Variants in HPSE2 observed in about 807,000 individuals in gnomAD.
HPSE2 encodes the protein heparanase 2 (inactive), also known as inactive heparanase-2.
A neutral mutation model predicts 60.5 loss-of-function variants in HPSE2; 38 were observed. The ratio of observed to expected loss-of-function variants is 0.63; its 90% CI spans 0.48 to 0.82. HPSE2 has a LOEUF of 0.82. HPSE2 is among the 40% of genes least tolerant of loss of function. The pLI, the probability that HPSE2 is intolerant of heterozygous loss-of-function variation, is 0.00. For missense variants in HPSE2, 713 were observed against 740.4 expected, an observed-to-expected ratio of 0.96 and a Z score of 0.43; for synonymous variants, 295 against 293.2, an observed-to-expected ratio of 1.01 and a Z score of -0.06.
chr10:99,263,880 C>T, the HPSE2 span, among the ~76,000 whole-genome samples: 1 of 152,164 alleles, frequency 6.6e-6, no homozygotes, highest in Non-Finnish European at 1.5e-5. Flanking sequence ...CAGTCCACCA[C>T]TCTTGACTCC....
Position 98,934,373 on chromosome 10 carries a change from T to A in HPSE2, c.611-190317A>T, listed in dbSNP as rs368923938. On this transcript the variant is annotated intron_variant, in intron 3 of 11. Coordinates refer to ENST00000370552, the MANE Select transcript of HPSE2 (RefSeq NM_021828.5). ...TTAATGTAGTTCCTTCATAGTGTCA[T>A]TGGTCTGTGTACTTCAGTGTGTTTT... 1.4e-4 allele frequency among the ~76,000 whole-genome samples: 20 copies of A among 144,566 alleles called. 4 individuals are homozygous for A. Among genetic ancestry groups the A allele is most frequent in the African/African-American group, 5.3e-4 (19 of 35,834 alleles). 94.8% of individuals were successfully genotyped at this position (144,566 alleles called of 152,430 possible).
intron 3 of HPSE2, among the ~76,000 whole-genome samples, chr10:98,984,792 T>C (rs901023146): frequency 2.6e-5 from 4 of 152,152 alleles, no homozygotes; most frequent in African/African-American, 9.7e-5. Flanking sequence ...AGAGAAGTCC[T>C]TAAAGGACCT....
Position 98,579,384 on chromosome 10 carries a change from C to T in HPSE2, c.1320+35520G>A, listed in dbSNP as rs569557795. Among the ~76,000 whole-genome samples the T allele has an allele frequency of 3.9e-5, 6 of 152,304 alleles. No homozygotes were observed. In the South Asian group the frequency reaches 8.3e-4, roughly 21 times the overall value. On this transcript the variant is annotated intron_variant, in intron 9 of 11. Transcript: ENST00000370552. ...CTATGGCCAGACCTCCACCACCTCA[C>T]TGAAGATTTAAAGAGTCTTAGAACA...
chr10:98,691,253 C>T (rs957481578), intron 6 of HPSE2, among the ~76,000 whole-genome samples: 2 of 152,148 alleles, frequency 1.3e-5, no homozygotes, highest in African/African-American at 4.8e-5. Context: ...TATTTGTCCT[C>T]TAATGAATGC....
intron 3 of HPSE2, among the ~76,000 whole-genome samples, chr10:98,929,418 T>C (rs1202188497): frequency 6.9e-6 from 1 of 144,090 alleles, no homozygotes; most frequent in East Asian, 2.0e-4. Context: ...AAATGGAAAA[T>C]GGAGGTAGAA....
At chr10:98,893,919 G>A (rs948565039) in intron 3 of HPSE2, among the ~76,000 whole-genome samples, 18 of 151,552 alleles carry the variant, frequency 1.2e-4, no homozygotes, top group Non-Finnish European at 2.1e-4. Flanking sequence ...AAAAAAAATA[G>A]GCAGTAAAGA....
intron 3 of HPSE2, among the ~76,000 whole-genome samples, chr10:99,046,749 A>G (rs1957864298): frequency 6.6e-6 from 1 of 152,138 alleles, no homozygotes; most frequent in Admixed American, 6.5e-5. Context: ...AAAATGAAAT[A>G]CCTAGGAATA....
At chr10:98,607,282 GCTT>G (rs1420245061) in intron 9 of HPSE2, among the ~76,000 whole-genome samples, 1 of 152,110 alleles carries the variant, frequency 6.6e-6, no homozygotes, top group Non-Finnish European at 1.5e-5. Context: ...GACTATAATT[GCTT>G]CTTCTCCCTA....
intron 6 of HPSE2, among the ~76,000 whole-genome samples, chr10:98,649,598 C>G (rs994872352): frequency 6.6e-6 from 1 of 152,100 alleles, no homozygotes; most frequent in Non-Finnish European, 1.5e-5. Flanking sequence ...CAATATTGAA[C>G]TAAGTGCAAA....
intron 3 of HPSE2, among the ~76,000 whole-genome samples, chr10:99,035,019 C>A (rs1957579298): frequency 6.6e-6 from 1 of 152,126 alleles, no homozygotes; most frequent in South Asian, 2.1e-4. Flanking sequence ...ATGTGAAGAG[C>A]TAGGACATTA....
At chr10:98,857,635 G>A (rs1203312028) in intron 3 of HPSE2, among the ~76,000 whole-genome samples, 8 of 152,120 alleles carry the variant, frequency 5.3e-5, no homozygotes, top group Admixed American at 4.6e-4. Context: ...GATCTCAATG[G>A]AGTTGTGTCT....
the HPSE2 span, among the ~76,000 whole-genome samples, chr10:99,291,768 G>A: frequency 1.3e-5 from 2 of 152,124 alleles, no homozygotes; most frequent in Admixed American, 1.3e-4. Flanking sequence ...GACAAACTCA[G>A]ATCTTCAGAT....
At chr10:98,968,522 G>C (rs1955870891) in intron 3 of HPSE2, among the ~76,000 whole-genome samples, 1 of 152,138 alleles carries the variant, frequency 6.6e-6, no homozygotes, top group Non-Finnish European at 1.5e-5. Context: ...AGAAAAATAA[G>C]TTGTTATATG....
At chr10:98,970,435 G>A (rs918817706) in intron 3 of HPSE2, among the ~76,000 whole-genome samples, 8 of 152,172 alleles carry the variant, frequency 5.3e-5, no homozygotes, top group Middle Eastern at 3.4e-3. Context: ...GATTTGGAGC[G>A]GACACATATT....
intron 2 of HPSE2, among the ~76,000 whole-genome samples, chr10:99,174,913 C>T (rs1169700177): frequency 6.6e-6 from 1 of 152,170 alleles, no homozygotes; most frequent in Non-Finnish European, 1.5e-5. Context: ...ACCGAGGTAT[C>T]CGGTTCATCT....
Position 99,182,285 on chromosome 10 carries a change from A to G in HPSE2, c.449-37886T>C, listed in dbSNP as rs1847807563. Among the ~76,000 whole-genome samples the G allele has an allele frequency of 2.0e-5, 3 of 152,354 alleles. No homozygotes were observed. In the South Asian group the frequency reaches 6.2e-4, roughly 32 times the overall value. Reference sequence around the variant, plus strand: ...CCAATGTACACAAGGTCAGAGGCCAACTAATCACCTAGTTTATCCCCCTTA... The same window carrying G: ...CCAATGTACACAAGGTCAGAGGCCAGCTAATCACCTAGTTTATCCCCCTTA... On this transcript the variant is annotated intron_variant, in intron 2 of 11. Transcript: ENST00000370552.
intron 11 of HPSE2, among the ~76,000 whole-genome samples, chr10:98,466,311 G>T (rs1017778291): frequency 5.9e-5 from 9 of 152,014 alleles, no homozygotes. Flanking sequence ...GAGGTGAAGG[G>T]ACTTAAAGAA....
At chr10:99,269,738 G>A in the HPSE2 span, among the ~76,000 whole-genome samples, 1 of 152,022 alleles carries the variant, frequency 6.6e-6, no homozygotes, top group Non-Finnish European at 1.5e-5. Flanking sequence ...CACAAAACAA[G>A]CCTCAATAAA....
At chr10:98,858,012 A>T (rs1952359456) in intron 3 of HPSE2, among the ~76,000 whole-genome samples, 1 of 152,220 alleles carries the variant, frequency 6.6e-6, no homozygotes, top group Non-Finnish European at 1.5e-5. Context: ...AATAATATTC[A>T]TGGCTATCAA....
Sources: allele counts gnomAD v4.1 joint callset (sites outside exome capture counted in the v4.1 genomes callset), GRCh38; gene constraint gnomAD v4.1.1; transcripts MANE v1.5; gene names NCBI Gene and HGNC (gene_info 2026-07-23, HGNC 2026-07-21).